The following TRPM3 variants were observed in gnomAD, a reference collection of about 807,000 sequenced individuals.
TRPM3 encodes long transient receptor potential channel 3.
TRPM3 carries 77 observed loss-of-function variants against 181.2 expected under a neutral mutation model. The ratio of observed to expected loss-of-function variants is 0.42; its 90% CI spans 0.35 to 0.51. The LOEUF is 0.51. Among genes scored for constraint, TRPM3 ranks in the 20% least tolerant of loss-of-function variants. The pLI, the probability that TRPM3 is intolerant of heterozygous loss-of-function variation, is 0.01. For missense variants in TRPM3, 1,759 were observed against 2,196.7 expected (o/e 0.80, Z 3.98); for synonymous variants, 745 against 796.4 (o/e 0.94, Z 1.09).
chr9:71,018,152 A>G (rs776434382), intron 1 of TRPM3, among the ~76,000 whole-genome samples: 5 of 151,902 alleles, frequency 3.3e-5, no homozygotes, highest in Non-Finnish European at 7.4e-5. Context: ...ATGACACGTT[A>G]TAACTTGAAG....
At chr9:70,777,448 C>G (rs1285805735) in intron 7 of TRPM3, among the ~76,000 whole-genome samples, 1 of 152,002 alleles carries the variant, frequency 6.6e-6, no homozygotes, top group Non-Finnish European at 1.5e-5. Flanking sequence ...GTTGACACAA[C>G]ATGAGGGATA....
chr9:70,791,877 C>T (rs780814725), intron 6 of TRPM3, among the ~76,000 whole-genome samples: 17 of 152,078 alleles, frequency 1.1e-4, no homozygotes, highest in African/African-American at 3.9e-4. Flanking sequence ...TCTCAGTGCT[C>T]GAGGCATTTT....
At chr9:70,609,228 GCTGT>G (rs745857502) in intron 19 of TRPM3, among the ~76,000 whole-genome samples, 4 of 152,176 alleles carry the variant, frequency 2.6e-5, no homozygotes, top group Non-Finnish European at 5.9e-5. Flanking sequence ...TCCCACCCAG[GCTGT>G]CTGATTCCAA....
At chr9:71,430,681 G>A (rs2093940699) in intron 1 of TRPM3, among the ~76,000 whole-genome samples, 1 of 151,876 alleles carries the variant, frequency 6.6e-6, no homozygotes, top group African/African-American at 2.4e-5. Context: ...GCATGGTGGC[G>A]TGCACCTGTA....
intron 18 of TRPM3, among the ~76,000 whole-genome samples, chr9:70,612,166 C>A (rs2062090745): frequency 6.6e-6 from 1 of 152,194 alleles, no homozygotes; most frequent in Non-Finnish European, 1.5e-5. Flanking sequence ...CTAAAATGAT[C>A]TAGTTGAGAT....
chr9:71,377,614 G>C (rs752387715), intron 1 of TRPM3, among the ~76,000 whole-genome samples: 1 of 151,846 alleles, frequency 6.6e-6, no homozygotes, highest in Non-Finnish European at 1.5e-5. Flanking sequence ...TCTTTTTTAT[G>C]TAAAGTTTTA....
intron 1 of TRPM3, chr9:71,446,562 G>T: frequency 7.4e-7 from 1 of 1,345,726 alleles, no homozygotes; most frequent in Non-Finnish European, 1.0e-6. Context: ...CTCACCCTTA[G>T]GGAGGCAAGT....
At chr9:70,841,719 C>CAT (rs142313712) in intron 5 of TRPM3, among the ~76,000 whole-genome samples, 4,557 of 133,568 alleles carry the variant, frequency 0.034, 256 homozygotes, top group African/African-American at 0.11. Context: ...TATCTCCCAC[C>CAT]ATATATATAT....
At chr9:71,340,043 A>G (rs762401492) in intron 1 of TRPM3, among the ~76,000 whole-genome samples, 1 of 151,508 alleles carries the variant, frequency 6.6e-6, no homozygotes, top group Non-Finnish European at 1.5e-5. Context: ...TTGTAAGGCT[A>G]AAGACAAAAA....
At chr9:70,984,557 G>A (rs542321906) in intron 1 of TRPM3, among the ~76,000 whole-genome samples, 2 of 152,220 alleles carry the variant, frequency 1.3e-5, no homozygotes, top group South Asian at 2.1e-4. Context: ...AAAGCTACTG[G>A]GATTAGCAGG....
At chr9:70,808,478 C>A (rs752973405) in intron 6 of TRPM3, among the ~76,000 whole-genome samples, 6 of 152,154 alleles carry the variant, frequency 3.9e-5, no homozygotes, top group Non-Finnish European at 7.4e-5. Flanking sequence ...CAAGTCAATA[C>A]CAAGAAACCA....
chr9:70,829,894 C>T (rs528143875), intron 5 of TRPM3, among the ~76,000 whole-genome samples: 1 of 152,264 alleles, frequency 6.6e-6, no homozygotes, highest in African/African-American at 2.4e-5. Flanking sequence ...TATCATAAAA[C>T]ATTCATTCTA....
intron 8 of TRPM3, among the ~76,000 whole-genome samples, chr9:70,742,141 G>A (rs189212122): frequency 1.2e-3 from 177 of 152,104 alleles, no homozygotes; most frequent in African/African-American, 4.1e-3. Context: ...ACATAATTAT[G>A]TATGTTATTA....
intron 9 of TRPM3, among the ~76,000 whole-genome samples, chr9:70,668,600 G>A (rs1047260476): frequency 5.5e-5 from 8 of 146,742 alleles, no homozygotes; most frequent in Non-Finnish European, 1.2e-4. Context: ...GGGAGGCGGA[G>A]CTTCCAGTGA....
chr9:71,211,640 G>T (rs1462269367), intron 1 of TRPM3, among the ~76,000 whole-genome samples: 1 of 152,110 alleles, frequency 6.6e-6, no homozygotes, highest in East Asian at 1.9e-4. Context: ...CTGGTGATAT[G>T]CTGGCAATCT....
intron 6 of TRPM3, among the ~76,000 whole-genome samples, chr9:70,820,492 G>A (rs190067960): frequency 9.9e-5 from 15 of 152,284 alleles, no homozygotes; most frequent in Non-Finnish European, 1.6e-4. Flanking sequence ...GCCTCCCAAA[G>A]TGCTGGGATC....
chr9:70,916,327 A>T (rs2096594189), intron 1 of TRPM3, among the ~76,000 whole-genome samples: 1 of 152,238 alleles, frequency 6.6e-6, no homozygotes, highest in Non-Finnish European at 1.5e-5. Flanking sequence ...TGGTAATAGT[A>T]AGTACACAGA....
chr9:71,266,223 C>T (rs1367875349), intron 1 of TRPM3, among the ~76,000 whole-genome samples: 1 of 152,150 alleles, frequency 6.6e-6, no homozygotes, highest in Non-Finnish European at 1.5e-5. Flanking sequence ...TTCACTTTAT[C>T]CAGCCCTCAC....
chr9:71,214,417 A>G (rs1345224280), intron 1 of TRPM3, among the ~76,000 whole-genome samples: 1 of 152,194 alleles, frequency 6.6e-6, no homozygotes, highest in East Asian at 1.9e-4. Flanking sequence ...GAGTAATGAA[A>G]ACATACGCCC....
Sources: allele counts gnomAD v4.1 joint callset (sites outside exome capture counted in the v4.1 genomes callset), GRCh38; gene constraint gnomAD v4.1.1; transcripts MANE v1.5; gene names NCBI Gene and HGNC (gene_info 2026-07-23, HGNC 2026-07-21).